The following ZNF626 variants were observed in gnomAD, a reference collection of about 807,000 sequenced individuals.
The protein encoded by ZNF626 is CTC-513N18.7.
Under a neutral mutation model 11.7 loss-of-function variants are expected in ZNF626, and 4 were observed. The observed-to-expected ratio is 0.34, with a 90% CI of 0.17 to 0.78. The LOEUF (loss-of-function observed/expected upper bound fraction) is 0.78. Ranked by LOEUF, ZNF626 falls within the 30% of genes least tolerant of loss-of-function variation. ZNF626 has a pLI of 0.57. For missense variants in ZNF626, 588 were observed against 587.1 expected, an observed-to-expected ratio of 1.00 and a Z score of -0.01; for synonymous variants, 179 against 198.6, an observed-to-expected ratio of 0.90 and a Z score of 0.83.
chr19:20,637,221 G>A (rs1346466299), intron 3 of ZNF626, among the ~76,000 whole-genome samples: 7 of 152,102 alleles, frequency 4.6e-5, no homozygotes, highest in African/African-American at 1.7e-4. Context: ...GGGCGCAGTG[G>A]CTCATGCCTG....
At chr19:20,641,810 C>T (rs1555771495) in intron 3 of ZNF626, among the ~76,000 whole-genome samples, 1 of 151,820 alleles carries the variant, frequency 6.6e-6, no homozygotes. Context: ...CTGTCTTGGC[C>T]TCCCAAAATC....
At chr19:20,625,853 T>A (rs1969824899) in intron 3 of ZNF626, among the ~76,000 whole-genome samples, 1 of 151,808 alleles carries the variant, frequency 6.6e-6, no homozygotes, top group Non-Finnish European at 1.5e-5. Context: ...TTATAATAAG[T>A]TGTGAAGGGC....
At chr19:20,642,742 G>A (rs1970036610) in intron 3 of ZNF626, among the ~76,000 whole-genome samples, 1 of 152,162 alleles carries the variant, frequency 6.6e-6, no homozygotes, top group African/African-American at 2.4e-5. Context: ...TGTCAGGCCA[G>A]GCGCGGTGGC....
chr19:20,648,091 G>A (rs1555772133), intron 1 of ZNF626, among the ~76,000 whole-genome samples: 1 of 150,558 alleles, frequency 6.6e-6, no homozygotes, highest in African/African-American at 2.4e-5. Flanking sequence ...AGGCAGAATT[G>A]CTTGAACCTG....
chr19:20,626,541 A>T (rs1429273912), intron 3 of ZNF626, among the ~76,000 whole-genome samples: 2 of 152,144 alleles, frequency 1.3e-5, no homozygotes, highest in African/African-American at 4.8e-5. Flanking sequence ...AACATGGTGA[A>T]ACCCTGTATC....
intron 1 of ZNF626, among the ~76,000 whole-genome samples, chr19:20,655,429 A>C (rs1555773001): frequency 6.6e-6 from 1 of 152,214 alleles, no homozygotes; most frequent in Non-Finnish European, 1.5e-5. Context: ...TATCTAAACA[A>C]ATCTGTGTCT....
chr19:20,638,788 A>T (rs1969993249), intron 3 of ZNF626, among the ~76,000 whole-genome samples: 1 of 152,194 alleles, frequency 6.6e-6, no homozygotes. Flanking sequence ...CATAAAGCAA[A>T]TATTGACAAA....
chr19:20,646,739 T>C (rs1970083494), intron 1 of ZNF626, among the ~76,000 whole-genome samples: 1 of 152,198 alleles, frequency 6.6e-6, no homozygotes, highest in Non-Finnish European at 1.5e-5. Context: ...GGAAAAGACA[T>C]GTTTAGTTAG....
intron 3 of ZNF626, among the ~76,000 whole-genome samples, chr19:20,629,975 G>A: frequency 6.6e-6 from 1 of 152,168 alleles, no homozygotes. Flanking sequence ...TTTATTGAGA[G>A]TTTTTAGTAT....
rs117965559 is a variant in ZNF626, at chr19:20,625,091, A to G, written c.786T>C (p.Cys262=). The G allele has an allele frequency of 0.012, 19,928 of 1,613,578 alleles. 157 individuals carry two copies. The highest frequency in any genetic ancestry group is 0.015 in the Non-Finnish European group (17,351 of 1,179,938). The change falls in exon 4 of 4, where the codon TGT becomes TGC. Residue 262 remains cysteine, a synonymous_variant. Transcript: ENST00000601440. The part of the protein sequence containing the change: ...TGEKPYKCDK[C]GKAFMSSSTL... ...TTGAGGATGACATAAAGGCTTTGCCACATTTATCACACTTGTAGGGTTTCT... is the reference window on the plus strand; with the variant it reads ...TTGAGGATGACATAAAGGCTTTGCCGCATTTATCACACTTGTAGGGTTTCT...
chr19:20,648,930 A>C (rs372718697), intron 1 of ZNF626, among the ~76,000 whole-genome samples: 2 of 152,344 alleles, frequency 1.3e-5, no homozygotes, highest in South Asian at 4.1e-4. Context: ...GAAATATAGG[A>C]AAGAAATATT....
intron 1 of ZNF626, among the ~76,000 whole-genome samples, chr19:20,648,373 TCTTC>T (rs797026651): frequency 1.4e-5 from 2 of 146,558 alleles, no homozygotes; most frequent in Non-Finnish European, 3.0e-5. Flanking sequence ...TTCTTCTTCT[TCTTC>T]TTCTTTTTTT....
chr19:20,659,275 G>A (rs889557543), intron 1 of ZNF626, among the ~76,000 whole-genome samples: 8 of 151,392 alleles, frequency 5.3e-5, no homozygotes, highest in Non-Finnish European at 1.2e-4. Flanking sequence ...AGTCTCGCTC[G>A]GCCACCCAGG....
rs1419773171 is a variant in ZNF626 at position 20,622,319 on chromosome 19, ATT to A, written c.*1969_*1970del. On this transcript the variant is annotated 3_prime_UTR_variant, in exon 4 of 4. Coordinates refer to ENST00000601440, the MANE Select transcript of ZNF626 (RefSeq NM_001076675.3). The stretch of plus-strand genomic sequence containing the variant: ...AATAATTGATATACTTTAATTTATA[ATT>A]TCTTTCTCTCAGTATAATGTAGAAA... 2 of 152,214 alleles carry A rather than the reference ATT, an allele frequency of 1.3e-5. No individual in the cohort carries two copies. Among genetic ancestry groups the A allele is most frequent in the African/African-American group, 2.4e-5 (1 of 41,464 alleles). The allele number at this position is 152,214 out of a possible 1,614,324, so 9.4% of individuals were successfully genotyped here.
chr19:20,636,414 T>A (rs1407115001), intron 3 of ZNF626, among the ~76,000 whole-genome samples: 1 of 151,946 alleles, frequency 6.6e-6, no homozygotes, highest in Non-Finnish European at 1.5e-5. Context: ...TTAAATGATG[T>A]GATGTGACAT....
intron 3 of ZNF626, among the ~76,000 whole-genome samples, chr19:20,632,559 CT>C (rs1969918296): frequency 6.6e-6 from 1 of 152,182 alleles, no homozygotes; most frequent in Admixed American, 6.5e-5. Flanking sequence ...CGCTGATACC[CT>C]TTCTTCCAGT....
Position 20,624,057 on chromosome 19 carries a change from G to GA in ZNF626, c.*232_*233insT. 1 of 760,842 alleles carries GA rather than the reference G, an allele frequency of 1.3e-6. No homozygotes were observed. Among genetic ancestry groups the GA allele is most frequent in the South Asian group, 1.5e-5 (1 of 67,822 alleles). The allele number at this position is 760,842 out of a possible 1,614,324, so 47.1% of individuals were successfully genotyped here. ...TATGAATTATCTTATGTGCAGTAAG[G>GA]TGTGAGGATAGGTGAAAAGCTTTAC... On this transcript the variant is annotated 3_prime_UTR_variant, in exon 4 of 4. Coordinates refer to ENST00000601440, the MANE Select transcript of ZNF626 (RefSeq NM_001076675.3).
intron 1 of ZNF626, 75 bp from the exon 2 acceptor site, chr19:20,646,480 A>C: frequency 6.2e-7 from 1 of 1,608,340 alleles, no homozygotes; most frequent in Non-Finnish European, 8.5e-7. Context: ...AGGTGAAATA[A>C]GAGAGTAAAG....
At chr19:20,646,172 G>A (rs1555771878) in intron 2 of ZNF626, 107 bp downstream of exon 2, 101 of 1,263,260 alleles carry the variant, frequency 8.0e-5, no homozygotes, top group Non-Finnish European at 3.1e-6. Flanking sequence ...TCTGGAAAAT[G>A]GGGATCTGAA....
Sources: allele counts gnomAD v4.1 joint callset (sites outside exome capture counted in the v4.1 genomes callset), GRCh38; gene constraint gnomAD v4.1.1; transcripts MANE v1.5; gene names NCBI Gene and HGNC (gene_info 2026-07-23, HGNC 2026-07-21).